The following CFAP54 variants were observed in gnomAD, a reference collection of about 807,000 sequenced individuals.
The protein encoded by CFAP54 is cilia and flagella associated protein 54.
Under a neutral mutation model 370.4 loss-of-function variants are expected in CFAP54, and 290 were observed. The observed-to-expected ratio is 0.78, with a 90% confidence interval of 0.71 to 0.86. CFAP54 has a LOEUF of 0.86. Among genes scored for constraint, CFAP54 ranks in the 40% least tolerant of loss-of-function variants. The pLI, the probability that CFAP54 is intolerant of heterozygous loss-of-function variation, is 0.00. For missense variants in CFAP54, 3,399 were observed against 3,528.7 expected, an observed-to-expected ratio of 0.96 and a Z score of 0.93; for synonymous variants, 1,206 against 1,236.5, an observed-to-expected ratio of 0.98 and a Z score of 0.52.
intron 15 of CFAP54, among the ~76,000 whole-genome samples, chr12:96,551,468 G>A (rs184083590): frequency 1.7e-4 from 25 of 148,782 alleles, no homozygotes; most frequent in Non-Finnish European, 3.3e-4. Context: ...TCCTGAGCCT[G>A]CGATTCTTGA....
rs977637206 is a variant in CFAP54 at position 96,489,645 on chromosome 12, A to T, written c.36A>T (p.Ser12=). Residue 12 remains serine (S), a synonymous_variant, in exon 1 of 68, where the codon TCA becomes TCT. Transcript: ENST00000524981. ...AGGGCTCCCCCTCGAGCTCTCCGTCAGACGACTCTACCACCTCGGGGTCTC... is the reference window on the plus strand; with the variant it reads ...AGGGCTCCCCCTCGAGCTCTCCGTCTGACGACTCTACCACCTCGGGGTCTC... ...AAQGSPSSSP[S]DDSTTSGSLP... The T allele has an allele frequency of 1.2e-5, 19 of 1,530,136 alleles. No homozygotes were observed. Among genetic ancestry groups the T allele is most frequent in the Non-Finnish European group, 1.6e-5 (18 of 1,142,200 alleles). The allele number at this position is 1,530,136 out of a possible 1,614,324, so 94.8% of individuals were successfully genotyped here.
chr12:96,644,416 A>G lies in CFAP54; in HGVS notation c.4547+8A>G. 4.0e-6 allele frequency: 6 copies of G among 1,485,700 alleles called. No individual in the cohort carries two copies. The East Asian group carries it at 1.2e-4, about 30-fold the overall frequency. The allele number at this position is 1,485,700 out of a possible 1,614,324, so 92.0% of individuals were successfully genotyped here. On this transcript the variant is annotated splice_region_variant and intron_variant, in intron 33 of 67. Transcript: ENST00000524981. ...ATCACATATGATGGTCAGGTATAGT[A>G]TATTACTGATGAAAAATACTTTTTT...
chr12:96,638,590 G>A lies in CFAP54; in HGVS notation c.4317-5588G>A, dbSNP rs1028523086. 4.6e-5 allele frequency among the ~76,000 whole-genome samples: 7 copies of A among 151,998 alleles called. No individual in the cohort carries two copies. The East Asian group carries it at 1.4e-3, about 29-fold the overall frequency. ...TTTTCATTCTCATTTAGTTCTATATGTTTTTAAATTATCTTTGTAATTTCT... is the reference window on the plus strand; with the variant it reads ...TTTTCATTCTCATTTAGTTCTATATATTTTTAAATTATCTTTGTAATTTCT... On this transcript the variant is annotated intron_variant, in intron 32 of 67. Transcript: ENST00000524981.
intron 48 of CFAP54, among the ~76,000 whole-genome samples, chr12:96,715,944 C>A (rs1957673024): frequency 6.6e-6 from 1 of 152,108 alleles, no homozygotes; most frequent in Non-Finnish European, 1.5e-5. Flanking sequence ...GCAGCTAGTT[C>A]ACTTACCAGG....
chr12:96,608,754 G>A (rs576121451), intron 26 of CFAP54, among the ~76,000 whole-genome samples: 6 of 152,112 alleles, frequency 3.9e-5, no homozygotes, highest in Non-Finnish European at 8.8e-5. Context: ...GAGCCACCAC[G>A]CCCAGCTGCA....
At chr12:96,566,707 T>G (rs974479459) in intron 19 of CFAP54, among the ~76,000 whole-genome samples, 5 of 152,162 alleles carry the variant, frequency 3.3e-5, no homozygotes, top group African/African-American at 1.2e-4. Context: ...AGTAGAATAC[T>G]GAAATTCAAG....
At chr12:96,646,415 T>G (rs1178858280) in intron 33 of CFAP54, 1 of 152,150 alleles carries the variant, frequency 6.6e-6, no homozygotes, top group Non-Finnish European at 1.5e-5. Context: ...CTCACACCAG[T>G]TAGAATGGCG....
intron 45 of CFAP54, among the ~76,000 whole-genome samples, chr12:96,694,182 T>G (rs1444089288): frequency 6.6e-6 from 1 of 152,202 alleles, no homozygotes; most frequent in Non-Finnish European, 1.5e-5. Flanking sequence ...TACACAAGAA[T>G]TTTTCAATGC....
intron 32 of CFAP54, among the ~76,000 whole-genome samples, chr12:96,643,137 A>G (rs1956752336): frequency 6.6e-6 from 1 of 152,202 alleles, no homozygotes; most frequent in African/African-American, 2.4e-5. Context: ...TTCAGGATAC[A>G]GCTATTAAAA....
At chr12:96,764,965 T>C (rs1158358300) in intron 59 of CFAP54, 112 bp from the exon 60 acceptor site, 5 of 782,180 alleles carry the variant, frequency 6.4e-6, no homozygotes, top group Non-Finnish European at 7.2e-6. Flanking sequence ...TTTCCTCCAA[T>C]GTATAAGGAA....
intron 3 of CFAP54, among the ~76,000 whole-genome samples, chr12:96,506,524 T>C (rs1021391409): frequency 3.3e-5 from 5 of 151,886 alleles, no homozygotes; most frequent in African/African-American, 1.2e-4. Context: ...TTTAGTTTTT[T>C]ACATTTTGAG....
intron 26 of CFAP54, among the ~76,000 whole-genome samples, chr12:96,604,649 G>A (rs1956282064): frequency 6.6e-6 from 1 of 151,992 alleles, no homozygotes; most frequent in African/African-American, 2.4e-5. Flanking sequence ...TTTACACTGT[G>A]AGCATAGAAC....
chr12:96,733,642 G>C (rs1363310577), intron 50 of CFAP54, among the ~76,000 whole-genome samples: 2 of 150,128 alleles, frequency 1.3e-5, no homozygotes, highest in East Asian at 2.0e-4. Flanking sequence ...TTTTGTGTCA[G>C]ACTGAAACTT....
At chr12:96,823,730 T>C (rs539673483) in intron 65 of CFAP54, among the ~76,000 whole-genome samples, 1 of 152,110 alleles carries the variant, frequency 6.6e-6, no homozygotes, top group Non-Finnish European at 1.5e-5. Context: ...AGGAATTTGA[T>C]TGATGTTGAA....
At chr12:96,747,063 C>T (rs761840357) in intron 55 of CFAP54, among the ~76,000 whole-genome samples, 19 of 152,128 alleles carry the variant, frequency 1.2e-4, no homozygotes, top group Non-Finnish European at 2.5e-4. Context: ...GCCTCCATTA[C>T]GACATAAGCT....
intron 29 of CFAP54, among the ~76,000 whole-genome samples, chr12:96,626,105 TG>T (rs891303146): frequency 1.3e-5 from 2 of 152,082 alleles, no homozygotes; most frequent in Non-Finnish European, 2.9e-5. Flanking sequence ...TATTAGTGGC[TG>T]GGCGCAGAAG....
At chr12:96,599,298 G>A (rs1956215258) in intron 26 of CFAP54, among the ~76,000 whole-genome samples, 1 of 151,964 alleles carries the variant, frequency 6.6e-6, no homozygotes, top group African/African-American at 2.4e-5. Context: ...TGAGAATGAT[G>A]GTTTCCAGCT....
chr12:96,764,784 T>C (rs562742605), intron 59 of CFAP54, among the ~76,000 whole-genome samples: 1 of 152,360 alleles, frequency 6.6e-6, no homozygotes, highest in South Asian at 2.1e-4. Context: ...TTGGCAGATA[T>C]ACATGTGTAC....
At chr12:96,721,174 G>A (rs1957748534) in intron 50 of CFAP54, among the ~76,000 whole-genome samples, 1 of 151,898 alleles carries the variant, frequency 6.6e-6, no homozygotes, top group Non-Finnish European at 1.5e-5. Context: ...ACCTTTTTAC[G>A]AATAAAAGCT....
Sources: allele counts gnomAD v4.1 joint callset (sites outside exome capture counted in the v4.1 genomes callset), GRCh38; gene constraint gnomAD v4.1.1; transcripts MANE v1.5; gene names NCBI Gene and HGNC (gene_info 2026-07-23, HGNC 2026-07-21).